DNAJB11: variants seen among roughly 807,000 people sequenced by gnomAD.
DNAJB11 encodes dnaJ homolog subfamily B member 11.
A neutral mutation model predicts 47.2 loss-of-function variants in DNAJB11; 30 were observed. That is an observed-to-expected ratio of 0.64 (90% CI 0.48 to 0.86). The LOEUF (loss-of-function observed/expected upper bound fraction) is 0.86. DNAJB11 is among the 40% of genes least tolerant of loss of function. The pLI, the probability that DNAJB11 is intolerant of heterozygous loss-of-function variation, is 0.00. For synonymous variants in DNAJB11, 151 were observed against 159.9 expected, an observed-to-expected ratio of 0.94 and a Z score of 0.42; for missense variants, 357 against 440.2, an observed-to-expected ratio of 0.81 and a Z score of 1.69.
At chr3:186,575,368 C>CGTGTGTGT (rs3051602) in intron 2 of DNAJB11, among the ~76,000 whole-genome samples, 2 of 143,358 alleles carry the variant, frequency 1.4e-5, no homozygotes, top group African/African-American at 5.4e-5. Flanking sequence ...CGCGCGCGCG[C>CGTGTGTGT]GTGTGTGTGT....
chr3:186,580,161 T>C (rs1715435796), intron 4 of DNAJB11: 2 of 152,230 alleles, frequency 1.3e-5, no homozygotes, highest in South Asian at 4.1e-4. Context: ...TTGTCACTAA[T>C]ACACAGTAGA....
intron 9 of DNAJB11, among the ~76,000 whole-genome samples, chr3:186,584,791 GTCT>G (rs774871303): frequency 5.3e-5 from 8 of 152,156 alleles, no homozygotes; most frequent in Non-Finnish European, 7.4e-5. Flanking sequence ...TGTTACAAAA[GTCT>G]ATGTAAGCTG....
In DNAJB11 at chr3:186,572,910, A is replaced by AT. The variant is rs143671514; in HGVS notation, c.225+665dup. On this transcript the variant is annotated intron_variant, in intron 2 of 9. Transcript: ENST00000265028. ...TTTTCAAGAAAAGTTGAAAATCTAGATTTTTTATATGAGTTCTGCTTGTAA... is the reference window on the plus strand; with the variant it reads ...TTTTCAAGAAAAGTTGAAAATCTAGATTTTTTTATATGAGTTCTGCTTGTAA... 4.3e-3 allele frequency among the ~76,000 whole-genome samples: 649 copies of AT among 152,248 alleles called. 3 individuals carry two copies. The highest frequency in any genetic ancestry group is 7.1e-3 in the Non-Finnish European group (481 of 68,020).
chr3:186,577,589 C>T (rs757751636), intron 3 of DNAJB11, 79 bp from the exon 4 acceptor site: 17 of 1,319,390 alleles, frequency 1.3e-5, no homozygotes, highest in African/African-American at 4.5e-5. Flanking sequence ...AGTTTATCAA[C>T]GTAAAGAAAA....
intron 9 of DNAJB11, 147 bp from the exon 10 acceptor site, chr3:186,585,197 C>A: frequency 1.7e-6 from 1 of 575,128 alleles, no homozygotes; most frequent in Non-Finnish European, 3.1e-6. Flanking sequence ...TACCTACATG[C>A]AATTACGTTG....
chr3:186,580,434 A>T (rs1265333179), intron 4 of DNAJB11: 4 of 152,216 alleles, frequency 2.6e-5, no homozygotes, highest in Admixed American at 2.6e-4. Context: ...TGTATTAGTC[A>T]TGTGGCCTTG....
chr3:186,578,964 C>A (rs1715392148), intron 4 of DNAJB11: 1 of 152,198 alleles, frequency 6.6e-6, no homozygotes, highest in Non-Finnish European at 1.5e-5. Context: ...CACTTGTAAT[C>A]TCAGCTACTC....
At position 186,570,950 on chromosome 3, in the gene DNAJB11, G is replaced by T; in HGVS notation, c.53G>T (p.Gly18Val). ...TFCLLLLYLI[G>V]AVIAGRDFYK... is the part of the protein sequence containing the mutation. ...TGCCTGTTGCTGCTATACCTCATCG[G>T]GGCGGTGATTGCCGGGTGAGGAACA... The change falls in exon 1 of 10, where the codon GGG becomes GTG. Residue 18 changes from glycine to valine, a missense_variant. Coordinates refer to ENST00000265028, the MANE Select transcript of DNAJB11 (RefSeq NM_016306.6). 2 of 1,597,230 alleles carry T rather than the reference G, an allele frequency of 1.3e-6. No homozygotes were observed. Among genetic ancestry groups the T allele is most frequent in the South Asian group, 1.1e-5 (1 of 88,210 alleles).
chr3:186,582,016 G>T lies in DNAJB11; in HGVS notation c.621G>T (p.Thr207=). Residue 207 remains threonine (T), a synonymous_variant, in exon 6 of 10, where the codon ACG becomes ACT. Transcript: ENST00000265028. ...PNVKLVNEER[T]LEVEIEPGVR... ...TCAGACTAGTGAATGAAGAACGAAC[G>T]CTGGAAGTAGAAATAGAGCCTGGGG... 1 of 1,613,604 alleles carries T rather than the reference G, an allele frequency of 6.2e-7. No individual in the cohort carries two copies. Among genetic ancestry groups the T allele is most frequent in the East Asian group, 2.2e-5 (1 of 44,852 alleles).
chr3:186,575,987 T>C (rs1267317712), intron 3 of DNAJB11, 50 bp downstream of exon 3: 1 of 1,329,986 alleles, frequency 7.5e-7, no homozygotes, highest in African/African-American at 1.5e-5. Flanking sequence ...AGAGGGTCAC[T>C]TAGCGATTAA....
At chr3:186,575,715 A>T (rs1715267855) in intron 2 of DNAJB11, 125 bp from the exon 3 acceptor site, 1 of 676,500 alleles carries the variant, frequency 1.5e-6, no homozygotes, top group Non-Finnish European at 2.5e-6. Flanking sequence ...ACAGTACATA[A>T]TGGAAACTGC....
At chr3:186,576,713 G>C (rs531399722) in intron 3 of DNAJB11, among the ~76,000 whole-genome samples, 1 of 152,204 alleles carries the variant, frequency 6.6e-6, no homozygotes, top group East Asian at 1.9e-4. Flanking sequence ...TGGGGGAGTA[G>C]ATTTTTAGGG....
At chr3:186,579,095 G>GA (rs1715396923) in intron 4 of DNAJB11, 2 of 152,076 alleles carry the variant, frequency 1.3e-5, no homozygotes, top group African/African-American at 2.4e-5. Context: ...CTCATCTCTG[G>GA]AAAAAAATTT....
At position 186,572,830 on chromosome 3, in the gene DNAJB11, C is replaced by T. The variant is rs545787588; in HGVS notation, c.225+579C>T. 7.9e-5 allele frequency among the ~76,000 whole-genome samples: 12 copies of T among 152,310 alleles called. No homozygotes were observed. The South Asian group carries it at 1.7e-3, about 21-fold the overall frequency. ...TTTCAAGGGAGCAGCTGTTACTCAA[C>T]CCCAGCCAGTTTTTGTCATACAAAT... On this transcript the variant is annotated intron_variant, in intron 2 of 9. Coordinates refer to ENST00000265028, the MANE Select transcript of DNAJB11 (RefSeq NM_016306.6).
chr3:186,581,801 T>C (rs1715494650), intron 5 of DNAJB11, among the ~76,000 whole-genome samples, 194 bp from the exon 6 acceptor site: 1 of 152,160 alleles, frequency 6.6e-6, no homozygotes. Flanking sequence ...TATATGTTTA[T>C]AAATGTATAG....
chr3:186,584,347 T>C, intron 8 of DNAJB11, 83 bp from the exon 9 acceptor site: 5 of 1,350,820 alleles, frequency 3.7e-6, no homozygotes, highest in Non-Finnish European at 3.0e-6. Flanking sequence ...ACATTAGCTT[T>C]GTGTACCAGT....
At chr3:186,571,022 T>TGGGGGGTCCTGGTTGGGGGGGGGGGG in intron 1 of DNAJB11, 57 bp downstream of exon 1, 1 of 208,314 alleles carries the variant, frequency 4.8e-6, no homozygotes, top group Non-Finnish European at 9.4e-6. Context: ...TGCTGGGGGG[T>TGGGGGGTCCTGGTTGGGGGGGGGGGG]GGGAGGGGGT....
At chr3:186,572,054 T>C in intron 1 of DNAJB11, 41 bp from the exon 2 acceptor site, 1 of 1,486,198 alleles carries the variant, frequency 6.7e-7, no homozygotes, top group African/African-American at 1.4e-5. Context: ...AAATGTAACA[T>C]GTAACTCTTT....
At chr3:186,583,763 T>C in intron 7 of DNAJB11, 102 bp from the exon 8 acceptor site, 1 of 790,776 alleles carries the variant, frequency 1.3e-6, no homozygotes, top group East Asian at 2.6e-5. Flanking sequence ...AAGAAATGTT[T>C]ATTGTTTGAA....
Sources: gnomAD v4.1 joint callset for allele counts (sites outside exome capture counted in the v4.1 genomes callset) on GRCh38, gnomAD v4.1.1 for gene constraint, MANE v1.5 for transcripts, NCBI Gene and HGNC (gene_info 2026-07-23, HGNC 2026-07-21) for gene names.